HIRA: variants seen among roughly 807,000 people sequenced by gnomAD.
The protein encoded by HIRA is histone cell cycle regulator.
A neutral mutation model predicts 126.6 loss-of-function variants in HIRA; 13 were observed. The ratio of observed to expected loss-of-function variants is 0.10; its 90% CI spans 0.07 to 0.16. The LOEUF (loss-of-function observed/expected upper bound fraction) is 0.16. HIRA is among the 10% of genes least tolerant of loss of function. The pLI is 1.00. For missense variants in HIRA, 834 were observed against 1,314.4 expected (o/e 0.63, Z 5.65); for synonymous variants, 511 against 520.0 (o/e 0.98, Z 0.24).
At chr22:19,403,867 A>C (rs1241957818) in intron 5 of HIRA, among the ~76,000 whole-genome samples, 2 of 152,248 alleles carry the variant, frequency 1.3e-5, no homozygotes, top group Non-Finnish European at 2.9e-5. Flanking sequence ...ACCAAGAAGC[A>C]TTTCTGAAGA....
intron 1 of HIRA, among the ~76,000 whole-genome samples, chr22:19,419,844 G>A (rs906757262): frequency 4.6e-5 from 7 of 152,306 alleles, no homozygotes; most frequent in African/African-American, 9.6e-5. Flanking sequence ...CTCAGATTTC[G>A]CCAACTGCCT....
intron 15 of HIRA, among the ~76,000 whole-genome samples, chr22:19,367,330 G>A (rs1310836680): frequency 1.3e-5 from 2 of 151,148 alleles, no homozygotes; most frequent in African/African-American, 4.9e-5. Flanking sequence ...AAATGATTTA[G>A]TATTTGCATA....
chr22:19,342,876 G>T (rs1346306648), intron 24 of HIRA, among the ~76,000 whole-genome samples: 1 of 152,186 alleles, frequency 6.6e-6, no homozygotes, highest in Non-Finnish European at 1.5e-5. Context: ...AGTGGATAAA[G>T]AAAATGTGGT....
At chr22:19,364,455 T>C in intron 15 of HIRA, among the ~76,000 whole-genome samples, 1 of 152,208 alleles carries the variant, frequency 6.6e-6, no homozygotes, top group Non-Finnish European at 1.5e-5. Context: ...AGCAAGTCTA[T>C]TGGCGCCATT....
intron 1 of HIRA, among the ~76,000 whole-genome samples, chr22:19,422,169 T>TACACACACACACACAC (rs762601560): frequency 4.7e-3 from 522 of 111,456 alleles, no homozygotes; most frequent in Middle Eastern, 9.2e-3. Context: ...TGTGTTTATA[T>TACACACACACACACAC]ATACACACAC....
chr22:19,406,909 A>G (rs987179991), intron 4 of HIRA, among the ~76,000 whole-genome samples: 13 of 152,210 alleles, frequency 8.5e-5, no homozygotes, highest in Non-Finnish European at 1.6e-4. Flanking sequence ...TTCACTTGAA[A>G]AAACAAAAGC....
At chr22:19,372,481 C>T (rs1379999329) in intron 15 of HIRA, among the ~76,000 whole-genome samples, 1 of 151,278 alleles carries the variant, frequency 6.6e-6, no homozygotes, top group Non-Finnish European at 1.5e-5. Context: ...AAATTCTGGA[C>T]TTTAATTAGA....
At chr22:19,355,590 C>T (rs1421173642) in intron 21 of HIRA, among the ~76,000 whole-genome samples, 170 bp downstream of exon 21, 1 of 152,200 alleles carries the variant, frequency 6.6e-6, no homozygotes, top group Non-Finnish European at 1.5e-5. Flanking sequence ...GCTGCAGTGT[C>T]CTGCTGGGAC....
At chr22:19,407,326 G>A (rs1406508172) in intron 3 of HIRA, 52 bp from the exon 4 acceptor site, 2 of 1,412,400 alleles carry the variant, frequency 1.4e-6, no homozygotes, top group Admixed American at 1.7e-5. Flanking sequence ...ATGCCCATTT[G>A]CTTTATGTAG....
chr22:19,356,308 C>T lies in HIRA; in HGVS notation c.2397-20G>A. ...ACATCCCTAGGAGGGAGACAGGGAA[C>T]AGTTTACTCACCAACCCAGGTAAAC... On this transcript the variant is annotated intron_variant, in intron 19 of 24. Transcript: ENST00000263208. 1.9e-6 allele frequency: 3 copies of T among 1,611,264 alleles called. No individual in the cohort carries two copies. The highest frequency in any genetic ancestry group is 2.5e-6 in the Non-Finnish European group (3 of 1,177,518).
intron 8 of HIRA, 75 bp from the exon 9 acceptor site, chr22:19,392,289 A>G: frequency 1.2e-6 from 1 of 826,980 alleles, no homozygotes; most frequent in South Asian, 1.6e-5. Context: ...GTCCCAGCCC[A>G]CTGAAGGGAG....
Position 19,331,021 on chromosome 22 carries a change from GGTCA to G in HIRA, c.*415_*418del, listed in dbSNP as rs2088478410. 1.0e-5 allele frequency: 6 copies of G among 600,988 alleles called. No individual in the cohort carries two copies. The highest frequency in any genetic ancestry group is 1.9e-5 in the African/African-American group (1 of 51,452). The allele number at this position is 600,988 out of a possible 1,614,324, so 37.2% of individuals were successfully genotyped here. On this transcript the variant is annotated 3_prime_UTR_variant, in exon 25 of 25. Transcript: ENST00000263208. ...CAGCTTTCCTTTTACATAGGTCTTA[GGTCA>G]GTCTGCTGTAATACCTAACGCTTCC...
At chr22:19,403,767 C>T (rs1164818552) in intron 5 of HIRA, among the ~76,000 whole-genome samples, 4 of 152,090 alleles carry the variant, frequency 2.6e-5, no homozygotes, top group Non-Finnish European at 5.9e-5. Flanking sequence ...ATAACCCTGG[C>T]TTATATCTTC....
chr22:19,335,434 G>A (rs1276451744), intron 24 of HIRA, among the ~76,000 whole-genome samples: 3 of 152,050 alleles, frequency 2.0e-5, no homozygotes, highest in Non-Finnish European at 4.4e-5. Flanking sequence ...TAGTAGAGAT[G>A]GGGTTTCGCC....
intron 11 of HIRA, among the ~76,000 whole-genome samples, chr22:19,387,191 G>T (rs1288331051): frequency 6.6e-6 from 1 of 152,218 alleles, no homozygotes; most frequent in African/African-American, 2.4e-5. Flanking sequence ...TGACCTAAGG[G>T]TCACATACAG....
rs1022900795 is a variant in HIRA at position 19,385,555 on chromosome 22, A to G, written c.1295T>C (p.Val432Ala). The stretch of plus-strand genomic sequence containing the variant: ...ATCTTCAAGACTCTCCCCGTTGACA[A>G]CGCCTGCGACTGAGGTGGCTGAGCC... The part of the protein sequence containing the change: ...EMGSATSVAG[V>A]VNGESLEDIR... Residue 432 changes from valine (V) to alanine (A), a missense_variant, in exon 12 of 25, where the codon GTT (valine) becomes GCT (alanine). Physicochemically the swap from Val to Ala is moderately conservative, Grantham distance 64. Around this residue, in one of 5 missense-constraint regions of HIRA, gnomAD observed 153 missense variants for 270.6 expected, o/e 0.57. Transcript: ENST00000263208. 1 of 1,614,098 alleles carries G rather than the reference A, an allele frequency of 6.2e-7. No individual in the cohort carries two copies. Among genetic ancestry groups the G allele is most frequent in the Non-Finnish European group, 8.5e-7 (1 of 1,180,026 alleles).
At chr22:19,376,224 T>C (rs1226452942) in intron 14 of HIRA, among the ~76,000 whole-genome samples, 1 of 152,222 alleles carries the variant, frequency 6.6e-6, no homozygotes, top group Non-Finnish European at 1.5e-5. Context: ...GGTCTGCTTT[T>C]ACCCTTAGTC....
chr22:19,359,188 A>G (rs1251372354), intron 18 of HIRA, 148 bp downstream of exon 18: 5 of 754,698 alleles, frequency 6.6e-6, no homozygotes, highest in Non-Finnish European at 9.8e-6. Flanking sequence ...ACAAGCACAT[A>G]TGCTTGGCCT....
At chr22:19,426,840 G>C (rs756247620) in intron 1 of HIRA, among the ~76,000 whole-genome samples, 132 of 152,216 alleles carry the variant, frequency 8.7e-4, no homozygotes, top group Admixed American at 2.7e-3. Context: ...ATTGCTGAGA[G>C]AATTTGCATT....
Sources: gnomAD v4.1 joint callset for allele counts (sites outside exome capture counted in the v4.1 genomes callset) on GRCh38, gnomAD v4.1.1 for gene constraint, gnomAD v4.1.1 regional missense constraint, MANE v1.5 for transcripts, NCBI Gene and HGNC (gene_info 2026-07-23, HGNC 2026-07-21) for gene names.